The following METTL2A variants were observed in gnomAD, a reference collection of about 807,000 sequenced individuals.
The protein encoded by METTL2A is tRNA N(3)-cytidine methyltransferase METTL2A.
METTL2A carries 45 observed loss-of-function variants against 49.4 expected under a neutral mutation model. The ratio of observed to expected loss-of-function variants is 0.91; its 90% CI spans 0.72 to 1.17. The LOEUF (loss-of-function observed/expected upper bound fraction) is 1.17. Ranked by LOEUF, METTL2A falls within the 50% of genes most tolerant of loss-of-function variation. The probability of loss-of-function intolerance (pLI) is 0.00; values close to 1 mark genes in which losing one functional copy is unlikely to be tolerated. For missense variants in METTL2A, 361 were observed against 462.2 expected, an observed-to-expected ratio of 0.78 and a Z score of 2.01; for synonymous variants, 118 against 167.5, an observed-to-expected ratio of 0.70 and a Z score of 2.28.
At chr17:62,434,139 G>A (rs1220324128) in intron 4 of METTL2A, among the ~76,000 whole-genome samples, 1 of 152,180 alleles carries the variant, frequency 6.6e-6, no homozygotes, top group Admixed American at 6.6e-5. Flanking sequence ...CAGTGCTGTG[G>A]AATAGAACTT....
At chr17:62,431,717 C>T (rs546927673) in intron 4 of METTL2A, among the ~76,000 whole-genome samples, 37 of 151,484 alleles carry the variant, frequency 2.4e-4, no homozygotes, top group South Asian at 4.2e-4. Flanking sequence ...GGTTGGTTTT[C>T]GTTTTGTTTT....
intron 4 of METTL2A, among the ~76,000 whole-genome samples, chr17:62,430,952 G>T (rs1485243528): frequency 1.3e-5 from 2 of 152,126 alleles, no homozygotes; most frequent in Non-Finnish European, 2.9e-5. Context: ...CGCAACCTCC[G>T]CCTCCTGGGA....
At position 62,449,037 on chromosome 17, in the gene METTL2A, A is replaced by G. The variant is rs1368217514; in HGVS notation, c.*308A>G. 3.5e-6 allele frequency: 1 copy of G among 285,464 alleles called. No homozygotes were observed. 17.7% of individuals were successfully genotyped at this position (285,464 alleles called of 1,614,324 possible). On this transcript the variant is annotated 3_prime_UTR_variant, in exon 9 of 9. Coordinates refer to ENST00000311506, the MANE Select transcript of METTL2A (RefSeq NM_181725.4). ...CAGGATTCTAACAATTATGCTTCATATTTGTGAAGTCCTTTAAAACATAAT... is the reference window on the plus strand; with the variant it reads ...CAGGATTCTAACAATTATGCTTCATGTTTGTGAAGTCCTTTAAAACATAAT...
chr17:62,426,495 T>C lies in METTL2A; in HGVS notation c.399T>C (p.Pro133=), dbSNP rs190080335. 1.4e-4 allele frequency: 227 copies of C among 1,613,790 alleles called. 3 individuals are homozygous for C. The East Asian group carries it at 2.1e-3, about 15-fold the overall frequency. The change falls in exon 3 of 9, where the codon CCT becomes CCC. Residue 133 remains proline, a synonymous_variant. Transcript: ENST00000311506. ...AATGTAGAAACAATGAGGATGGACC[T>C]GGTTTAATAATGGAAGAACAGCACA... ...VPECRNNEDG[P]GLIMEEQHKC...
chr17:62,446,041 A>G (rs1423724876), intron 7 of METTL2A, among the ~76,000 whole-genome samples: 1 of 152,232 alleles, frequency 6.6e-6, no homozygotes, highest in Admixed American at 6.5e-5. Flanking sequence ...ACATATCTAA[A>G]TGGCCAGTAA....
intron 5 of METTL2A, among the ~76,000 whole-genome samples, chr17:62,437,709 C>T (rs997917067): frequency 6.6e-6 from 1 of 152,174 alleles, no homozygotes; most frequent in African/African-American, 2.4e-5. Flanking sequence ...GTCAGTGGCT[C>T]ACACCTGTCA....
intron 5 of METTL2A, among the ~76,000 whole-genome samples, chr17:62,439,681 C>T (rs1244081519): frequency 5.3e-5 from 8 of 152,114 alleles, no homozygotes; most frequent in Non-Finnish European, 7.4e-5. Flanking sequence ...ATCCGCCTGC[C>T]TCGGCCTCCC....
At chr17:62,443,175 C>T (rs1375670852) in intron 6 of METTL2A, among the ~76,000 whole-genome samples, 1 of 152,116 alleles carries the variant, frequency 6.6e-6, no homozygotes, top group Non-Finnish European at 1.5e-5. Context: ...GAGCTCAAGA[C>T]CAGCTTGGGC....
In METTL2A at chr17:62,447,685, A is replaced by G; in HGVS notation, c.917-16A>G. 1 of 1,613,774 alleles carries G rather than the reference A, an allele frequency of 6.2e-7. No individual in the cohort carries two copies. Among genetic ancestry groups the G allele is most frequent in the Non-Finnish European group, 8.5e-7 (1 of 1,179,840 alleles). Reference sequence around the variant, plus strand: ...TGCTTTTAAGTGTCTCTGATTTTTAACACATCACTCTGCAGGTCAGTGTCT... The same window carrying G: ...TGCTTTTAAGTGTCTCTGATTTTTAGCACATCACTCTGCAGGTCAGTGTCT... On this transcript the variant is annotated splice_polypyrimidine_tract_variant and intron_variant, in intron 7 of 8. Transcript: ENST00000311506.
rs752405717 is a variant in METTL2A at position 62,426,350 on chromosome 17, A to G, written c.254A>G (p.His85Arg). ...HKYWNDFYKI[H>R]ENGFFKDRHW... ...TACTGGAATGACTTCTACAAAATCC[A>G]CGAAAATGGGTTTTTCAAGGATAGA... is the stretch of plus-strand genomic sequence containing the variant. Residue 85 changes from histidine to arginine, a missense_variant, in exon 3 of 9, where the codon CAC becomes CGC. By Grantham distance (29) the His-to-Arg change is conservative. Transcript: ENST00000311506. 3.7e-6 allele frequency: 6 copies of G among 1,613,814 alleles called. No individual in the cohort carries two copies. The highest frequency in any genetic ancestry group is 5.1e-6 in the Non-Finnish European group (6 of 1,179,810).
intron 4 of METTL2A, among the ~76,000 whole-genome samples, chr17:62,433,542 C>G (rs1362359517): frequency 2.0e-5 from 3 of 151,758 alleles, no homozygotes; most frequent in Admixed American, 1.3e-4. Flanking sequence ...GAGTTCAAGA[C>G]CAACCTAGTC....
At chr17:62,439,305 T>C (rs949294970) in intron 5 of METTL2A, among the ~76,000 whole-genome samples, 8 of 151,788 alleles carry the variant, frequency 5.3e-5, no homozygotes, top group Non-Finnish European at 1.2e-4. Flanking sequence ...GAAGTCTCAC[T>C]ATGTTGCCTA....
In METTL2A at chr17:62,426,628, T is replaced by A. The variant is rs996110912; in HGVS notation, c.532T>A (p.Ser178Thr). 6.5e-7 allele frequency: 1 copy of A among 1,534,298 alleles called. No homozygotes were observed. Among genetic ancestry groups the A allele is most frequent in the Non-Finnish European group, 8.9e-7 (1 of 1,119,304 alleles). ...AATTTGTGCTGATGAGTTTCCTGGA[T>A]CCTCAGCCACCTACCGAATACTGGA... Reference protein sequence around the residue: ...LEICADEFPGSSATYRILEVG... With the variant: ...LEICADEFPGTSATYRILEVG... The change falls in exon 3 of 9, where the codon TCC (serine) becomes ACC (threonine). Residue 178 changes from serine to threonine, a missense_variant. Around this residue, in one of 3 missense-constraint regions of METTL2A, gnomAD observed 28 missense variants for 75.6 expected, o/e 0.37. Coordinates refer to ENST00000311506, the MANE Select transcript of METTL2A (RefSeq NM_181725.4).
At chr17:62,437,653 C>T (rs918173285) in intron 5 of METTL2A, among the ~76,000 whole-genome samples, 3 of 152,112 alleles carry the variant, frequency 2.0e-5, no homozygotes, top group African/African-American at 4.8e-5. Flanking sequence ...TTGCAGAAGA[C>T]GGACATTGAG....
At chr17:62,447,247 T>C (rs1207161691) in intron 7 of METTL2A, among the ~76,000 whole-genome samples, 1 of 151,940 alleles carries the variant, frequency 6.6e-6, no homozygotes, top group Non-Finnish European at 1.5e-5. Flanking sequence ...GGTGAAACCC[T>C]GACTCTACTA....
At position 62,447,750 on chromosome 17, in the gene METTL2A, T is replaced by A; in HGVS notation, c.966T>A (p.Val322=). 6.2e-7 allele frequency: 1 copy of A among 1,614,192 alleles called. No individual in the cohort carries two copies. Among genetic ancestry groups the A allele is most frequent in the Non-Finnish European group, 8.5e-7 (1 of 1,180,012 alleles). ...NFYVRGDGTR[V]YFFTQEELDT... ...ACGTGAGAGGTGATGGAACCAGAGT[T>A]TACTTCTTCACACAAGGTATGAAAC... Residue 322 remains valine (V), a synonymous_variant, in exon 8 of 9, where the codon GTT becomes GTA. Transcript: ENST00000311506.
At position 62,449,572 on chromosome 17, in the gene METTL2A, G is replaced by A; in HGVS notation, c.*843G>A. 1 of 322,988 alleles carries A rather than the reference G, an allele frequency of 3.1e-6. No homozygotes were observed. The highest frequency in any genetic ancestry group is 2.3e-5 in the African/African-American group (1 of 43,562). 20.0% of individuals were successfully genotyped at this position (322,988 alleles called of 1,614,324 possible). A position where few individuals can be genotyped will look rare whatever the true frequency, so the allele number is the denominator to read the frequency against. The stretch of plus-strand genomic sequence containing the variant: ...CTAAAGATAAAAAAATTAGCTGAGT[G>A]TGTTGGTGGGTGCCTGTAATCCAGC... On this transcript the variant is annotated 3_prime_UTR_variant, in exon 9 of 9. Coordinates refer to ENST00000311506, the MANE Select transcript of METTL2A (RefSeq NM_181725.4).
chr17:62,435,757 C>T (rs977004419), intron 5 of METTL2A, among the ~76,000 whole-genome samples: 1 of 152,164 alleles, frequency 6.6e-6, no homozygotes, highest in African/African-American at 2.4e-5. Context: ...ATTTCTCTCC[C>T]TCTCCTCAGG....
intron 5 of METTL2A, 133 bp from the exon 6 acceptor site, chr17:62,440,484 A>C (rs2144150404): frequency 7.5e-7 from 1 of 1,337,636 alleles, no homozygotes; most frequent in East Asian, 2.6e-5. Context: ...TGCCTCAAGA[A>C]AAAAAAGAAA....
Sources: allele counts gnomAD v4.1 joint callset (sites outside exome capture counted in the v4.1 genomes callset), GRCh38; gene constraint gnomAD v4.1.1; regional missense constraint gnomAD v4.1.1; transcripts MANE v1.5; gene names NCBI Gene and HGNC (gene_info 2026-07-23, HGNC 2026-07-21).